The following PTPRN2 variants were observed in gnomAD, a reference collection of about 807,000 sequenced individuals.
The protein encoded by PTPRN2 is protein tyrosine phosphatase receptor type N2, also known as receptor-type tyrosine-protein phosphatase N2.
Under a neutral mutation model 118.8 loss-of-function variants are expected in PTPRN2, and 74 were observed. The ratio of observed to expected loss-of-function variants is 0.62; its 90% confidence interval spans 0.52 to 0.76. PTPRN2 has a LOEUF of 0.76. PTPRN2 is among the 30% of genes least tolerant of loss of function. The pLI is 0.00. For missense variants in PTPRN2, 1,481 were observed against 1,394.4 expected, an observed-to-expected ratio of 1.06 and a Z score of -0.99; for synonymous variants, 641 against 608.0, an observed-to-expected ratio of 1.05 and a Z score of -0.80.
At chr7:157,744,268 C>T (rs573586804) in intron 12 of PTPRN2, among the ~76,000 whole-genome samples, 5 of 152,224 alleles carry the variant, frequency 3.3e-5, no homozygotes, top group South Asian at 2.1e-4. Context: ...CTGGCCTCAA[C>T]GGGGTGAACA....
chr7:157,542,904 A>G (rs1798082032), intron 22 of PTPRN2, among the ~76,000 whole-genome samples: 2 of 152,152 alleles, frequency 1.3e-5, no homozygotes, highest in Non-Finnish European at 2.9e-5. Flanking sequence ...TTGAGGGGAC[A>G]GGGGCTTGTG....
At position 157,764,297 on chromosome 7, in the gene PTPRN2, C is replaced by T. The variant is rs773847712; in HGVS notation, c.1789-81360G>A. On this transcript the variant is annotated intron_variant, in intron 12 of 22. Transcript: ENST00000389418. This position sits in a 1 kb window ranked among gnomAD's most constrained non-coding sequence, Gnocchi z 4.5. ...CGCACGCCCATGTTCATAGCAGCAGCGCTCACAGAAGCCAAGAGGTGAGGC... is the reference window on the plus strand; with the variant it reads ...CGCACGCCCATGTTCATAGCAGCAGTGCTCACAGAAGCCAAGAGGTGAGGC... 7.9e-5 allele frequency among the ~76,000 whole-genome samples: 12 copies of T among 152,196 alleles called. No individual in the cohort carries two copies. The highest frequency in any genetic ancestry group is 2.1e-4 in the South Asian group (1 of 4,836).
Position 157,603,904 on chromosome 7 carries a change from T to G in PTPRN2, c.2418+98A>C. The G allele has an allele frequency of 8.7e-7, 1 of 1,143,916 alleles. No individual in the cohort carries two copies. Among genetic ancestry groups the G allele is most frequent in the Non-Finnish European group, 1.3e-6 (1 of 785,264 alleles). The allele number at this position is 1,143,916 out of a possible 1,614,324, so 70.9% of individuals were successfully genotyped here. A position where few individuals can be genotyped will look rare whatever the true frequency, so the allele number is the denominator to read the frequency against. ...TCCACCGCAGAGACGCTGAGCTGGG[T>G]GGGGACGTGATTTCCCCCGAGAACC... On this transcript the variant is annotated intron_variant, in intron 16 of 22. Transcript: ENST00000389418. This position sits in a 1 kb window ranked among gnomAD's most constrained non-coding sequence, Gnocchi z 5.4.
chr7:157,816,729 C>T lies in PTPRN2; in HGVS notation c.1788+81944G>A, dbSNP rs141407181. ...GGCACATCCTTGGAAGCGGGTGGTG[C>T]GAGACTCTGCCCTCTACCCTCTGCC... On this transcript the variant is annotated intron_variant, in intron 12 of 22. Transcript: ENST00000389418. Among the ~76,000 whole-genome samples the T allele has an allele frequency of 3.3e-5, 5 of 152,308 alleles. No individual in the cohort carries two copies. The East Asian group carries it at 9.6e-4, about 29-fold the overall frequency.
intron 2 of PTPRN2, among the ~76,000 whole-genome samples, chr7:158,396,906 C>T (rs1812559922): frequency 6.6e-6 from 1 of 152,142 alleles, no homozygotes; most frequent in Admixed American, 6.5e-5. Context: ...AGCCCCAAGA[C>T]AAGGAAAAAG....
At chr7:158,367,167 T>C (rs1809602305) in intron 2 of PTPRN2, among the ~76,000 whole-genome samples, 1 of 152,192 alleles carries the variant, frequency 6.6e-6, no homozygotes, top group Non-Finnish European at 1.5e-5. Flanking sequence ...CAGCCCCCAG[T>C]GCTCGGAAGC....
rs1319202477 is a variant in PTPRN2 at position 157,707,578 on chromosome 7, C to CT, written c.1789-24642dup. ...ACAGGCAGAGGCAGATTTCTTTTTC[C>CT]TTTTTTTTTCTTTTTTTTTGAGACA... On this transcript the variant is annotated intron_variant, in intron 12 of 22. Coordinates refer to ENST00000389418, the MANE Select transcript of PTPRN2 (RefSeq NM_002847.5). Among the ~76,000 whole-genome samples the CT allele has an allele frequency of 1.3e-3, 180 of 137,348 alleles. 2 individuals are homozygous for CT. The highest frequency in any genetic ancestry group is 6.3e-4 in the Non-Finnish European group (38 of 60,662). The allele number at this position is 137,348 out of a possible 152,430, so 90.1% of individuals were successfully genotyped here. A position where few individuals can be genotyped will look rare whatever the true frequency, so the allele number is the denominator to read the frequency against.
intron 2 of PTPRN2, among the ~76,000 whole-genome samples, chr7:158,353,474 G>A (rs534897351): frequency 6.6e-5 from 10 of 152,326 alleles, no homozygotes; most frequent in African/African-American, 2.2e-4. Context: ...TGTCTTCTGA[G>A]TTCTATTAAA....
At chr7:158,197,239 A>G (rs1826278467) in intron 4 of PTPRN2, among the ~76,000 whole-genome samples, 1 of 152,166 alleles carries the variant, frequency 6.6e-6, no homozygotes, top group African/African-American at 2.4e-5. Flanking sequence ...GCTAAGAACA[A>G]TTTCCACTTC....
Position 158,204,311 on chromosome 7 carries a change from A to G in PTPRN2, c.380+860T>C, listed in dbSNP as rs558468923. 2.6e-4 allele frequency among the ~76,000 whole-genome samples: 40 copies of G among 152,336 alleles called. 1 individual carries two copies. Among genetic ancestry groups the G allele is most frequent in the Admixed American group, 1.2e-3 (19 of 15,304 alleles). On this transcript the variant is annotated intron_variant, in intron 4 of 22. Transcript: ENST00000389418. The stretch of plus-strand genomic sequence containing the variant: ...GAGGAAAGAGGCAACCCGCGCCCTC[A>G]GTGTGTGCGGCGTGCTGGGGGACGG...
intron 21 of PTPRN2, among the ~76,000 whole-genome samples, chr7:157,556,973 A>C (rs527833370): frequency 3.3e-5 from 5 of 150,972 alleles, no homozygotes; most frequent in African/African-American, 1.2e-4. Flanking sequence ...ATGCACACAC[A>C]TGCACACACA....
chr7:158,208,163 C>T (rs368365765), intron 3 of PTPRN2, among the ~76,000 whole-genome samples: 2 of 151,826 alleles, frequency 1.3e-5, no homozygotes, highest in African/African-American at 4.8e-5. Flanking sequence ...AAAATAGCCT[C>T]AAAAAGACAA....
chr7:158,142,618 G>A (rs536825827), intron 6 of PTPRN2, among the ~76,000 whole-genome samples: 85 of 152,146 alleles, frequency 5.6e-4, no homozygotes, highest in East Asian at 3.1e-3. Flanking sequence ...GCCTCCCTTC[G>A]CCACACCCCC....
chr7:157,932,593 G>C (rs773255657), intron 11 of PTPRN2, among the ~76,000 whole-genome samples: 5 of 150,754 alleles, frequency 3.3e-5, no homozygotes, highest in Admixed American at 6.6e-5. Context: ...CATTTTTAGA[G>C]TAGGGTGAGT....
chr7:158,510,847 T>C (rs79505994), intron 1 of PTPRN2, among the ~76,000 whole-genome samples: 2,790 of 152,294 alleles, frequency 0.018, 78 homozygotes, highest in African/African-American at 0.058. Flanking sequence ...CAGGATCACA[T>C]TCTTCTCAGG....
intron 1 of PTPRN2, among the ~76,000 whole-genome samples, chr7:158,513,328 G>C (rs894079634): frequency 6.6e-6 from 1 of 152,216 alleles, no homozygotes; most frequent in East Asian, 1.9e-4. Flanking sequence ...AGGAAAGTCT[G>C]AGAAAATGTG....
At position 158,150,881 on chromosome 7, in the gene PTPRN2, G is replaced by A. The variant is rs74185747; in HGVS notation, c.911-12366C>T. ...TCTGTTCTTCCAACCCAACGTGCTGGTGGAATTATCCTACTGGTTTGCAGC... is the reference window on the plus strand; with the variant it reads ...TCTGTTCTTCCAACCCAACGTGCTGATGGAATTATCCTACTGGTTTGCAGC... On this transcript the variant is annotated intron_variant, in intron 6 of 22. Transcript: ENST00000389418. 3.6e-4 allele frequency among the ~76,000 whole-genome samples: 54 copies of A among 152,048 alleles called. No homozygotes were observed. In the East Asian group the frequency reaches 0.01, roughly 28 times the overall value.
At chr7:158,268,180 G>A (rs1434859188) in intron 3 of PTPRN2, among the ~76,000 whole-genome samples, 6 of 152,234 alleles carry the variant, frequency 3.9e-5, no homozygotes. Flanking sequence ...GTGACACAAT[G>A]CCGCCTGCAA....
At position 158,489,769 on chromosome 7, in the gene PTPRN2, C is replaced by G. The variant is rs1375680801; in HGVS notation, c.129G>C (p.Glu43Asp). ...AGGCCTCGGACGCTCCGCAGAGGCC[C>G]TCCTCGAGCAGGCAGCCTGCGGGGA... Reference protein sequence around the residue: ...LPGRLGCLLEEGLCGASEACV... With the variant: ...LPGRLGCLLEDGLCGASEACV... Residue 43 changes from glutamate (E) to aspartate (D), a missense_variant, in exon 2 of 23, where the codon GAG becomes GAC. By Grantham distance (45) the Glu-to-Asp change is conservative (BLOSUM62 2). Around this residue, in one of 3 missense-constraint regions of PTPRN2, gnomAD observed 1,115 missense variants for 994.2 expected, o/e 1.12. Transcript: ENST00000389418. 2 of 1,581,622 alleles carry G rather than the reference C, an allele frequency of 1.3e-6. No individual in the cohort carries two copies. Among genetic ancestry groups the G allele is most frequent in the Admixed American group, 1.8e-5 (1 of 56,204 alleles).
Sources: gnomAD v4.1 joint callset for allele counts (sites outside exome capture counted in the v4.1 genomes callset) on GRCh38, gnomAD v4.1.1 for gene constraint, gnomAD v4.1.1 regional missense constraint, Gnocchi (gnomAD v3.1) non-coding constraint, MANE v1.5 for transcripts, NCBI Gene and HGNC (gene_info 2026-07-23, HGNC 2026-07-21) for gene names.